Variants in LSAMP observed in about 807,000 individuals in gnomAD.
LSAMP encodes the protein limbic system associated membrane protein.
Under a neutral mutation model 38.6 loss-of-function variants are expected in LSAMP, and 7 were observed. The ratio of observed to expected loss-of-function variants is 0.18; its 90% confidence interval spans 0.10 to 0.34. The LOEUF is 0.34. Among genes scored for constraint, LSAMP ranks in the 10% least tolerant of loss-of-function variants. LSAMP has a pLI of 1.00. For missense variants in LSAMP, 313 were observed against 420.0 expected, an observed-to-expected ratio of 0.75 and a Z score of 2.23; for synonymous variants, 154 against 166.8, an observed-to-expected ratio of 0.92 and a Z score of 0.59.
intron 2 of LSAMP, among the ~76,000 whole-genome samples, chr3:116,066,371 A>C (rs55813816): frequency 0.22 from 34,070 of 152,158 alleles, 3,958 homozygotes; most frequent in Admixed American, 0.28. Context: ...TCAGGATAGG[A>C]GCTGCTGCAT....
intron 1 of LSAMP, among the ~76,000 whole-genome samples, chr3:116,106,327 T>G (rs1161843817): frequency 6.6e-6 from 1 of 152,086 alleles, no homozygotes; most frequent in Non-Finnish European, 1.5e-5. Flanking sequence ...GAATGGTGAA[T>G]AGGAGTATGA....
chr3:116,048,914 C>A (rs931685101), intron 2 of LSAMP, among the ~76,000 whole-genome samples: 1 of 152,044 alleles, frequency 6.6e-6, no homozygotes, highest in Non-Finnish European at 1.5e-5. Flanking sequence ...AGAAGACATG[C>A]AATTAAAAAT....
intron 3 of LSAMP, among the ~76,000 whole-genome samples, chr3:115,868,478 G>T (rs764097083): frequency 6.6e-6 from 1 of 152,112 alleles, no homozygotes; most frequent in South Asian, 2.1e-4. Context: ...GAAAACAGAG[G>T]TATGTGTGTG....
intron 1 of LSAMP, among the ~76,000 whole-genome samples, chr3:116,366,688 A>G (rs2048358697): frequency 1.3e-5 from 2 of 152,174 alleles, no homozygotes; most frequent in African/African-American, 4.8e-5. Flanking sequence ...GCTGGTTTGT[A>G]CTAGGAGCTG....
In LSAMP at chr3:116,119,318, T is replaced by C. The variant is rs117150454; in HGVS notation, c.156-32762A>G. Among the ~76,000 whole-genome samples, 3 of 152,136 alleles carry C rather than the reference T, an allele frequency of 2.0e-5. No individual in the cohort carries two copies. The East Asian group carries it at 5.8e-4, about 29-fold the overall frequency. On this transcript the variant is annotated intron_variant, in intron 1 of 6. Coordinates refer to ENST00000490035, the MANE Select transcript of LSAMP (RefSeq NM_002338.5). ...CTGTTAGATAGCCATAAGATTGTTA[T>C]CTGTTACAGAAATGGTTGGGATAGG...
chr3:116,319,081 T>G (rs968399355), intron 1 of LSAMP, among the ~76,000 whole-genome samples: 5 of 152,170 alleles, frequency 3.3e-5, no homozygotes, highest in African/African-American at 4.8e-5. Flanking sequence ...AGGGGAATAA[T>G]GCAAACAGTA....
intron 1 of LSAMP, among the ~76,000 whole-genome samples, chr3:116,198,026 T>C (rs1206015000): frequency 6.6e-6 from 1 of 152,194 alleles, no homozygotes; most frequent in Non-Finnish European, 1.5e-5. Flanking sequence ...GATACAGATA[T>C]ATCTTATTCA....
At chr3:115,915,137 T>C (rs548991458) in intron 3 of LSAMP, among the ~76,000 whole-genome samples, 2 of 152,338 alleles carry the variant, frequency 1.3e-5, no homozygotes, top group Middle Eastern at 3.4e-3. Flanking sequence ...TTGGGGCACC[T>C]GGGATTTGCT....
chr3:115,896,930 C>T (rs969043993), intron 3 of LSAMP, among the ~76,000 whole-genome samples: 3 of 152,078 alleles, frequency 2.0e-5, no homozygotes, highest in African/African-American at 7.2e-5. Context: ...TTCTTGTCCT[C>T]CTTGGAAACA....
chr3:116,110,291 G>A (rs540251117), intron 1 of LSAMP, among the ~76,000 whole-genome samples: 26 of 152,062 alleles, frequency 1.7e-4, no homozygotes, highest in Admixed American at 1.4e-3. Flanking sequence ...AAGGGGTAGA[G>A]ACAAGGAGAG....
At chr3:116,434,086 G>T (rs1211502853) in intron 1 of LSAMP, among the ~76,000 whole-genome samples, 8 of 152,096 alleles carry the variant, frequency 5.3e-5, no homozygotes, top group Non-Finnish European at 1.2e-4. Context: ...AATAATCAGA[G>T]AATTATCTAT....
chr3:115,886,297 G>A (rs2048857), intron 3 of LSAMP, among the ~76,000 whole-genome samples: 99,915 of 151,772 alleles, frequency 0.66, 32,891 homozygotes, highest in Middle Eastern at 0.74. Context: ...ATTAAACAGT[G>A]CACGAGGTAT....
intron 1 of LSAMP, among the ~76,000 whole-genome samples, chr3:116,313,608 C>T (rs2047587859): frequency 6.6e-6 from 1 of 152,130 alleles, no homozygotes; most frequent in Non-Finnish European, 1.5e-5. Flanking sequence ...GGTTCATAGG[C>T]CTCTTAGAGC....
At chr3:116,203,564 C>T (rs1023399188) in intron 1 of LSAMP, among the ~76,000 whole-genome samples, 2 of 128,766 alleles carry the variant, frequency 1.6e-5, no homozygotes, top group African/African-American at 2.9e-5. Flanking sequence ...CCCACCCCAC[C>T]ACAGTCCCCA....
intron 3 of LSAMP, among the ~76,000 whole-genome samples, chr3:115,892,442 G>A (rs1936623243): frequency 6.6e-6 from 1 of 151,994 alleles, no homozygotes; most frequent in African/African-American, 2.4e-5. Context: ...CAAACTATGT[G>A]TATATCACAA....
intron 1 of LSAMP, among the ~76,000 whole-genome samples, chr3:116,175,364 A>G (rs1212331263): frequency 6.6e-6 from 1 of 152,078 alleles, no homozygotes; most frequent in Admixed American, 6.6e-5. Flanking sequence ...TATCTCAAAT[A>G]TTTATTATTT....
intron 1 of LSAMP, among the ~76,000 whole-genome samples, chr3:116,220,788 A>G (rs2046274494): frequency 6.6e-6 from 1 of 152,208 alleles, no homozygotes; most frequent in Admixed American, 6.5e-5. Context: ...CAGAATAAGC[A>G]GCCATTCTGT....
intron 1 of LSAMP, among the ~76,000 whole-genome samples, chr3:116,255,522 T>C (rs903036637): frequency 2.0e-5 from 3 of 152,194 alleles, no homozygotes; most frequent in African/African-American, 4.8e-5. Context: ...ACCATAAAAA[T>C]TGCACATGGT....
chr3:115,853,064 T>C (rs1182718942), intron 3 of LSAMP, among the ~76,000 whole-genome samples: 1 of 152,202 alleles, frequency 6.6e-6, no homozygotes, highest in Non-Finnish European at 1.5e-5. Flanking sequence ...GGGAGGTACA[T>C]GCAAATCATA....
Sources: gnomAD v4.1 joint callset for allele counts (sites outside exome capture counted in the v4.1 genomes callset) on GRCh38, gnomAD v4.1.1 for gene constraint, MANE v1.5 for transcripts, NCBI Gene and HGNC (gene_info 2026-07-23, HGNC 2026-07-21) for gene names.